Variants in ATXN2 observed in about 807,000 individuals in gnomAD.
The protein encoded by ATXN2 is ataxin-2.
A neutral mutation model predicts 138.6 loss-of-function variants in ATXN2; 37 were observed. That is an observed-to-expected ratio of 0.27 (90% CI 0.21 to 0.35). The LOEUF is 0.35. Ranked by LOEUF, ATXN2 falls within the 10% of genes least tolerant of loss-of-function variation. The pLI is 1.00. For missense variants in ATXN2, 1,216 were observed against 1,480.3 expected (o/e 0.82, Z 2.93); for synonymous variants, 549 against 543.7 (o/e 1.01, Z -0.13).
At chr12:111,583,766 CAA>C (rs748838859) in intron 1 of ATXN2, among the ~76,000 whole-genome samples, 326 of 58,066 alleles carry the variant, frequency 5.6e-3, no homozygotes, top group African/African-American at 0.021. Flanking sequence ...GACTCCGACT[CAA>C]AAAAAAAAAA....
At position 111,598,899 on chromosome 12, in the gene ATXN2, C is replaced by G; in HGVS notation, c.136G>C (p.Ala46Pro). Reference protein sequence around the residue: ...VRKPGGSGLLASPAAAPSPSS... With the variant: ...VRKPGGSGLLPSPAAAPSPSS... ...GGCGAAGGCGCGGCGGCGGGCGACG[C>G]TAGAAGGCCGCTGCCGCCGGGCTTG... Residue 46 changes from alanine to proline, a missense_variant, in exon 1 of 25, where the codon GCG becomes CCG. Transcript: ENST00000673436. This position sits in a 1 kb window ranked among gnomAD's most constrained non-coding sequence, Gnocchi z 4.5. 23 of 1,507,942 alleles carry G rather than the reference C, an allele frequency of 1.5e-5. No homozygotes were observed. Among genetic ancestry groups the G allele is most frequent in the Non-Finnish European group, 2.0e-5 (23 of 1,134,514 alleles). 93.4% of individuals were successfully genotyped at this position (1,507,942 alleles called of 1,614,324 possible). A position where few individuals can be genotyped will look rare whatever the true frequency, so the allele number is the denominator to read the frequency against.
rs1874859533 is a variant in ATXN2, at chr12:111,453,812, G to A, written c.3304C>T (p.Pro1102Ser). Residue 1102 changes from proline to serine, a missense_variant, in exon 24 of 25, where the codon CCA becomes TCA. Pro to Ser is a moderately conservative substitution (Grantham distance 74). Coordinates refer to ENST00000673436, the MANE Select transcript of ATXN2 (RefSeq NM_001372574.1). This position sits in a 1 kb window ranked among gnomAD's most constrained non-coding sequence, Gnocchi z 5.4. ...AGCATCATTGGCGCATGGGCAGTTG[G>A]ATGAGAAGGAACCATTCCTGACTGT... ...HVQSGMVPSH[P>S]TAHAPMMLMT... 2.5e-6 allele frequency: 4 copies of A among 1,613,780 alleles called. No homozygotes were observed. The highest frequency in any genetic ancestry group is 3.4e-6 in the Non-Finnish European group (4 of 1,179,918).
At chr12:111,514,668 A>C (rs1209422636) in intron 10 of ATXN2, among the ~76,000 whole-genome samples, 1 of 151,804 alleles carries the variant, frequency 6.6e-6, no homozygotes, top group East Asian at 1.9e-4. Flanking sequence ...GGGTATTTTT[A>C]GTAGAGACGA....
Position 111,509,480 on chromosome 12 carries a change from A to G in ATXN2, c.1935+69T>C, listed in dbSNP as rs1879373928. The G allele has an allele frequency of 1.1e-5, 10 of 903,990 alleles. No individual in the cohort carries two copies. The East Asian group carries it at 2.7e-4, about 25-fold the overall frequency. The allele number at this position is 903,990 out of a possible 1,614,324, so 56.0% of individuals were successfully genotyped here. On this transcript the variant is annotated intron_variant, in intron 14 of 24. Transcript: ENST00000673436. Reference sequence around the variant, plus strand: ...CTGACTGTATACATAACGCATTTTTATAAATAGATAAATCTTTAGTAATGC... The same window carrying G: ...CTGACTGTATACATAACGCATTTTTGTAAATAGATAAATCTTTAGTAATGC...
At chr12:111,504,923 T>C (rs1272340503) in intron 14 of ATXN2, among the ~76,000 whole-genome samples, 1 of 152,202 alleles carries the variant, frequency 6.6e-6, no homozygotes, top group African/African-American at 2.4e-5. Flanking sequence ...TCTTGGATCT[T>C]GCACAAGAAA....
At chr12:111,475,180 C>T (rs1876708426) in intron 18 of ATXN2, among the ~76,000 whole-genome samples, 2 of 151,466 alleles carry the variant, frequency 1.3e-5, no homozygotes, top group South Asian at 4.2e-4. Flanking sequence ...CATCACTGCA[C>T]TCCAGCCTGG....
rs370639529 is a variant in ATXN2, at chr12:111,464,649, A to G, written c.2896+13T>C. On this transcript the variant is annotated intron_variant, in intron 21 of 24. Transcript: ENST00000673436. ...CTGTACAATTAAAAATTAGTATAAAAAACCCAACTCACTGGCAAAGTAGAA... is the reference window on the plus strand; with the variant it reads ...CTGTACAATTAAAAATTAGTATAAAGAACCCAACTCACTGGCAAAGTAGAA... 2.0e-5 allele frequency: 32 copies of G among 1,598,982 alleles called. No individual in the cohort carries two copies. The highest frequency in any genetic ancestry group is 2.4e-5 in the Non-Finnish European group (28 of 1,167,076).
intron 5 of ATXN2, among the ~76,000 whole-genome samples, chr12:111,542,952 A>G (rs1881602253): frequency 6.6e-6 from 1 of 152,166 alleles, no homozygotes; most frequent in Non-Finnish European, 1.5e-5. Flanking sequence ...GAGAATTTCT[A>G]TATACTCTAA....
intron 20 of ATXN2, among the ~76,000 whole-genome samples, chr12:111,468,132 T>G (rs564857865): frequency 6.6e-6 from 1 of 152,388 alleles, no homozygotes; most frequent in South Asian, 2.1e-4. Flanking sequence ...ACTTTTAACC[T>G]AAGCCTTTAG....
chr12:111,580,382 C>A (rs1018231260), intron 1 of ATXN2, among the ~76,000 whole-genome samples: 1 of 151,442 alleles, frequency 6.6e-6, no homozygotes, highest in African/African-American at 2.4e-5. Context: ...CCCAGGTACT[C>A]AGCAAGCTGA....
At chr12:111,538,136 CAAAT>C (rs1177351796) in intron 5 of ATXN2, among the ~76,000 whole-genome samples, 1 of 151,576 alleles carries the variant, frequency 6.6e-6, no homozygotes, top group African/African-American at 2.4e-5. Context: ...CTCCCTATCT[CAAAT>C]GAATGATTAA....
At chr12:111,460,840 T>C (rs1260348072) in intron 21 of ATXN2, among the ~76,000 whole-genome samples, 1 of 152,140 alleles carries the variant, frequency 6.6e-6, no homozygotes. Context: ...GCAATTTAAG[T>C]TTACCAGTAT....
intron 14 of ATXN2, among the ~76,000 whole-genome samples, chr12:111,495,657 C>G (rs1223927314): frequency 6.6e-6 from 1 of 152,090 alleles, no homozygotes; most frequent in African/African-American, 2.4e-5. Flanking sequence ...CTTCAACACC[C>G]CACTCTCAGC....
At chr12:111,553,735 G>A (rs1331983890) in intron 3 of ATXN2, among the ~76,000 whole-genome samples, 1 of 151,068 alleles carries the variant, frequency 6.6e-6, no homozygotes, top group Non-Finnish European at 1.5e-5. Flanking sequence ...CAAGTCACTA[G>A]GACTACAGGC....
intron 14 of ATXN2, among the ~76,000 whole-genome samples, chr12:111,497,337 A>AACAC (rs934979921): frequency 6.6e-5 from 10 of 152,210 alleles, no homozygotes; most frequent in Non-Finnish European, 8.8e-5. Flanking sequence ...AAACTATTCC[A>AACAC]ACACAATACA....
chr12:111,572,131 G>A (rs1883354417), intron 1 of ATXN2, among the ~76,000 whole-genome samples: 1 of 152,034 alleles, frequency 6.6e-6, no homozygotes, highest in South Asian at 2.1e-4. Context: ...TGGGCACGGT[G>A]GTTCACACTG....
chr12:111,454,963 A>G, intron 23 of ATXN2: 2 of 685,204 alleles, frequency 2.9e-6, no homozygotes, highest in South Asian at 3.0e-5. Flanking sequence ...AAGCAAATCA[A>G]CTGCAGTGCG....
At position 111,599,125 on chromosome 12, in the gene ATXN2, G is replaced by A. The variant is rs695872; in HGVS notation, c.-91C>T. Reference sequence around the variant, plus strand: ...AGACGCCGGAACGCGGCGGGGACGCGCGGGCGCCGAGCGGGGAGGCGCGGG... The same window carrying A: ...AGACGCCGGAACGCGGCGGGGACGCACGGGCGCCGAGCGGGGAGGCGCGGG... On this transcript the variant is annotated 5_prime_UTR_variant, in exon 1 of 25. Coordinates refer to ENST00000673436, the MANE Select transcript of ATXN2 (RefSeq NM_001372574.1). 0.74 allele frequency: 917,200 copies of A among 1,245,850 alleles called. 351,651 individuals carry two copies. Among genetic ancestry groups the A allele is most frequent in the Non-Finnish European group, 0.78 (784,380 of 999,236 alleles). The allele number at this position is 1,245,850 out of a possible 1,614,324, so 77.2% of individuals were successfully genotyped here.
At chr12:111,585,873 T>G (rs1297785194) in intron 1 of ATXN2, among the ~76,000 whole-genome samples, 1 of 151,474 alleles carries the variant, frequency 6.6e-6, no homozygotes, top group Non-Finnish European at 1.5e-5. Flanking sequence ...TGTCTGTTTT[T>G]TAGTAGTTCC....
Sources: gnomAD v4.1 joint callset for allele counts (sites outside exome capture counted in the v4.1 genomes callset) on GRCh38, gnomAD v4.1.1 for gene constraint, Gnocchi (gnomAD v3.1) non-coding constraint, MANE v1.5 for transcripts, NCBI Gene and HGNC (gene_info 2026-07-23, HGNC 2026-07-21) for gene names.